CDH13: variants seen among roughly 807,000 people sequenced by gnomAD.
CDH13 encodes the protein cadherin 13, also known as cadherin-13.
A neutral mutation model predicts 63.8 loss-of-function variants in CDH13; 24 were observed. That is an observed-to-expected ratio of 0.38 (90% CI 0.27 to 0.53). CDH13 has a LOEUF of 0.53. Among genes scored for constraint, CDH13 ranks in the 20% least tolerant of loss-of-function variants. CDH13 has a pLI of 0.85. For synonymous variants in CDH13, 503 were observed against 355.3 expected, an observed-to-expected ratio of 1.42 and a Z score of -4.67; for missense variants, 1,049 against 903.1, an observed-to-expected ratio of 1.16 and a Z score of -2.07.
intron 8 of CDH13, among the ~76,000 whole-genome samples, chr16:83,669,988 A>C (rs1246503346): frequency 6.6e-6 from 1 of 152,214 alleles, no homozygotes; most frequent in Admixed American, 6.5e-5. Flanking sequence ...ATCTATGAGA[A>C]AGTTGATTTT....
chr16:83,264,673 G>A (rs1210729170), intron 5 of CDH13, among the ~76,000 whole-genome samples: 1 of 151,198 alleles, frequency 6.6e-6, no homozygotes, highest in African/African-American at 2.4e-5. Flanking sequence ...TCATATCTAT[G>A]GCTTGCAGCT....
intron 2 of CDH13, among the ~76,000 whole-genome samples, chr16:82,861,584 A>G (rs938725224): frequency 6.6e-6 from 1 of 151,868 alleles, no homozygotes; most frequent in Admixed American, 6.6e-5. Flanking sequence ...TTCCTCCTCA[A>G]TTTTCAATGA....
intron 3 of CDH13, among the ~76,000 whole-genome samples, chr16:83,064,635 C>T (rs911160912): frequency 8.6e-5 from 13 of 151,938 alleles, no homozygotes; most frequent in African/African-American, 3.1e-4. Flanking sequence ...TTTAGAAATC[C>T]AGTATGTTAG....
intron 1 of CDH13, among the ~76,000 whole-genome samples, chr16:82,651,606 A>T (rs1285260593): frequency 6.6e-6 from 1 of 152,186 alleles, no homozygotes; most frequent in South Asian, 2.1e-4. Flanking sequence ...TAATAACCCT[A>T]TTAGGGAGGT....
At chr16:83,162,245 A>C (rs1397195004) in intron 4 of CDH13, among the ~76,000 whole-genome samples, 1 of 152,098 alleles carries the variant, frequency 6.6e-6, no homozygotes, top group Non-Finnish European at 1.5e-5. Flanking sequence ...GAAAATTTTC[A>C]TCACCATTGT....
chr16:83,664,495 A>C (rs1011751260), intron 8 of CDH13, among the ~76,000 whole-genome samples: 1 of 149,948 alleles, frequency 6.7e-6, no homozygotes, highest in Admixed American at 6.7e-5. Flanking sequence ...TATATATCTT[A>C]TGTATATTTT....
At chr16:82,991,196 C>G (rs975915251) in intron 2 of CDH13, among the ~76,000 whole-genome samples, 4 of 152,210 alleles carry the variant, frequency 2.6e-5, no homozygotes, top group African/African-American at 4.8e-5. Flanking sequence ...AGCAACATGT[C>G]TACCAAGAGT....
chr16:83,772,041 A>G (rs532842850), intron 11 of CDH13, among the ~76,000 whole-genome samples: 41 of 152,308 alleles, frequency 2.7e-4, no homozygotes, highest in African/African-American at 9.6e-4. Flanking sequence ...AACACAATGT[A>G]CACTCTGTGG....
chr16:83,647,645 T>C (rs1404516699), intron 8 of CDH13, among the ~76,000 whole-genome samples: 2 of 152,198 alleles, frequency 1.3e-5, no homozygotes, highest in Non-Finnish European at 2.9e-5. Flanking sequence ...AGAAGGAAAA[T>C]TGACAGATTT....
chr16:83,332,019 G>A (rs775679132), intron 5 of CDH13, among the ~76,000 whole-genome samples: 5 of 152,072 alleles, frequency 3.3e-5, no homozygotes, highest in East Asian at 3.9e-4. Flanking sequence ...ATTGCATTTC[G>A]GAAAGATTTT....
At chr16:83,642,684 G>A (rs1406344776) in intron 8 of CDH13, among the ~76,000 whole-genome samples, 21 of 1,870 alleles carry the variant, frequency 0.011, 9 homozygotes, top group Admixed American at 0.042. Flanking sequence ...CACTGTTGGT[G>A]GGACTGTAAA....
intron 2 of CDH13, among the ~76,000 whole-genome samples, chr16:82,914,940 T>C (rs946153505): frequency 4.6e-5 from 7 of 152,212 alleles, no homozygotes; most frequent in Non-Finnish European, 8.8e-5. Flanking sequence ...TCAGAAAATG[T>C]GTTCAATGTC....
intron 5 of CDH13, among the ~76,000 whole-genome samples, chr16:83,343,230 C>A (rs1328728075): frequency 1.3e-5 from 2 of 152,086 alleles, no homozygotes; most frequent in African/African-American, 2.4e-5. Flanking sequence ...TGCTCACTGC[C>A]TTCAAATTCT....
chr16:83,313,576 T>G (rs1001836550), intron 5 of CDH13, among the ~76,000 whole-genome samples: 2 of 148,652 alleles, frequency 1.3e-5, no homozygotes, highest in Non-Finnish European at 3.0e-5. Context: ...CAGGCCATGG[T>G]AGATTTTTAA....
chr16:83,386,477 G>A (rs1051900081), intron 6 of CDH13, among the ~76,000 whole-genome samples: 1 of 152,202 alleles, frequency 6.6e-6, no homozygotes, highest in Non-Finnish European at 1.5e-5. Flanking sequence ...TGCTCTTCTA[G>A]GATGATACTA....
intron 3 of CDH13, among the ~76,000 whole-genome samples, chr16:83,103,268 A>G (rs1214864739): frequency 1.6e-4 from 16 of 100,436 alleles, no homozygotes; most frequent in Non-Finnish European, 2.5e-4. Flanking sequence ...TTTTTTTGAG[A>G]CAGTCTGGCT....
At chr16:83,338,486 G>C (rs1418623378) in intron 5 of CDH13, among the ~76,000 whole-genome samples, 1 of 152,204 alleles carries the variant, frequency 6.6e-6, no homozygotes, top group Non-Finnish European at 1.5e-5. Context: ...TTCAGGATTT[G>C]CTAATAAACT....
intron 6 of CDH13, among the ~76,000 whole-genome samples, chr16:83,393,596 G>A (rs2091828771): frequency 2.0e-5 from 3 of 152,182 alleles, no homozygotes; most frequent in African/African-American, 7.2e-5. Flanking sequence ...AGACATATAT[G>A]TTATTGCAAT....
At chr16:82,870,312 A>G (rs981125180) in intron 2 of CDH13, among the ~76,000 whole-genome samples, 5 of 152,196 alleles carry the variant, frequency 3.3e-5, no homozygotes, top group African/African-American at 1.2e-4. Flanking sequence ...AAGACGGGCA[A>G]TCATGAGTGC....
Sources: allele counts gnomAD v4.1 joint callset (sites outside exome capture counted in the v4.1 genomes callset), GRCh38; gene constraint gnomAD v4.1.1; transcripts MANE v1.5; gene names NCBI Gene and HGNC (gene_info 2026-07-23, HGNC 2026-07-21).